Variants in CLEC18B observed in about 807,000 individuals in gnomAD.
CLEC18B encodes the protein mannose receptor-like 2.
CLEC18B carries 5 observed loss-of-function variants against 60.4 expected under a neutral mutation model. The observed-to-expected ratio is 0.08, with a 90% CI of 0.04 to 0.17. The LOEUF is 0.17. Ranked by LOEUF, CLEC18B falls within the 10% of genes least tolerant of loss-of-function variation. The pLI, the probability that CLEC18B is intolerant of heterozygous loss-of-function variation, is 1.00. For missense variants in CLEC18B, 26 were observed against 572.8 expected (o/e 0.05, Z 9.74); for synonymous variants, 16 against 221.2 (o/e 0.07, Z 8.23).
upstream of CLEC18B, among the ~76,000 whole-genome samples, chr16:74,423,623 A>G (rs1321064274): frequency 3.3e-5 from 5 of 151,878 alleles, no homozygotes; most frequent in Non-Finnish European, 7.4e-5. Context: ...TGGGAGGCGG[A>G]GGTTGCAGTG....
intron 6 of CLEC18B, 149 bp downstream of exon 6, chr16:74,412,624 A>G (rs1239927570): frequency 1.3e-6 from 2 of 1,547,412 alleles, no homozygotes; most frequent in African/African-American, 2.7e-5. Context: ...GTGCTCAGTG[A>G]ATGCTTGTTG....
chr16:74,423,840 C>A (rs1368319503), upstream of CLEC18B, among the ~76,000 whole-genome samples: 1 of 152,260 alleles, frequency 6.6e-6, no homozygotes, highest in Non-Finnish European at 1.5e-5. Flanking sequence ...GGCACTCCCA[C>A]TCCTGAAGCT....
Position 74,411,308 on chromosome 16 carries a change from TA to T in CLEC18B, c.985-275del, listed in dbSNP as rs1208174215. On this transcript the variant is annotated intron_variant, in intron 8 of 11. Coordinates refer to ENST00000682950, the MANE Select transcript of CLEC18B (RefSeq NM_001385193.1). ...TGTTTCACCTGCACAGTGTCTTAAA[TA>T]TATCCGAGTTGATTGCCAACCCCAG... is the stretch of plus-strand genomic sequence containing the variant. 1.3e-4 allele frequency: 127 copies of T among 957,572 alleles called. No homozygotes were observed. In the African/African-American group the frequency reaches 1.7e-3, roughly 13 times the overall value. 59.3% of individuals were successfully genotyped at this position (957,572 alleles called of 1,614,324 possible).
chr16:74,422,715 G>A (rs1356502731), upstream of CLEC18B, among the ~76,000 whole-genome samples: 1 of 151,742 alleles, frequency 6.6e-6, no homozygotes, highest in African/African-American at 2.4e-5. Flanking sequence ...TGCCACTCAG[G>A]TTGGAGTGTT....
Position 74,413,621 on chromosome 16 carries a change from C to A in CLEC18B, c.512G>T (p.Gly171Val). The A allele has an allele frequency of 6.2e-7, 1 of 1,614,078 alleles. No individual in the cohort carries two copies. Among genetic ancestry groups the A allele is most frequent in the African/African-American group, 1.3e-5 (1 of 75,080 alleles). Residue 171 changes from glycine (G) to valine (V), a missense_variant, in exon 4 of 12, where the codon GGC (glycine) becomes GTC (valine). By Grantham distance (109) the Gly-to-Val change is moderately radical. Coordinates refer to ENST00000682950, the MANE Select transcript of CLEC18B (RefSeq NM_001385193.1). ...LGCGRHLCSAGQTAIEAFVCA... is the reference protein window; with the variant it reads ...LGCGRHLCSAVQTAIEAFVCA... The stretch of plus-strand genomic sequence containing the variant: ...GACAAAGGCTTCTATCGCTGTCTGG[C>A]CTGCAGAGCACAGGTGCCGCCCACA...
In CLEC18B at chr16:74,421,239, C is replaced by A. The variant is rs147077893; in HGVS notation, c.32G>T (p.Gly11Val). The change falls in exon 1 of 12, where the codon GGG (glycine) becomes GTG (valine). Residue 11 changes from glycine to valine, a missense_variant. Physicochemically the swap from Gly to Val is moderately radical, Grantham distance 109. Coordinates refer to ENST00000682950, the MANE Select transcript of CLEC18B (RefSeq NM_001385193.1). ...GGCCAGGAGCACAGCCAGGAGATGC[C>A]CCCGGCCAGGGGAGGTCTCTGGATG... MLHPETSPGR[G>V]HLLAVLLALL... 1,296 of 1,609,298 alleles carry A rather than the reference C, an allele frequency of 8.1e-4. 7 individuals carry two copies. Among genetic ancestry groups the A allele is most frequent in the African/African-American group, 7.3e-3 (543 of 73,998 alleles).
At chr16:74,423,810 C>A (rs1389669568), upstream of CLEC18B, among the ~76,000 whole-genome samples, 1 of 152,166 alleles carries the variant, frequency 6.6e-6, no homozygotes, top group South Asian at 2.1e-4. Context: ...GGAACCGACA[C>A]GCTGTGTGAC....
chr16:74,419,696 A>T (rs2142764762), intron 2 of CLEC18B, among the ~76,000 whole-genome samples: 1 of 151,292 alleles, frequency 6.6e-6, no homozygotes, highest in African/African-American at 2.4e-5. Flanking sequence ...GGAATGGGGG[A>T]GAAGCGACCC....
chr16:74,423,316 G>C (rs1400682353), upstream of CLEC18B, among the ~76,000 whole-genome samples: 3 of 151,518 alleles, frequency 2.0e-5, no homozygotes, highest in African/African-American at 7.3e-5. Flanking sequence ...CAGGCACTTG[G>C]GACAGGCGGG....
chr16:74,410,940 A>AG lies in CLEC18B; in HGVS notation c.1078_1079insC (p.Ile360ThrfsTer2). 1 of 1,593,020 alleles carries AG rather than the reference A, an allele frequency of 6.3e-7. No homozygotes were observed. The highest frequency in any genetic ancestry group is 8.6e-7 in the Non-Finnish European group (1 of 1,167,592). ...GTTCCTGGTCTCGAAGTCACTGTCA[A>AG]TCACCTCGTTGGTGGTCTCCAGGCG... On this transcript the variant is annotated frameshift_variant, in exon 9 of 12. Transcript: ENST00000682950. LOFTEE classifies it high-confidence loss of function.
intron 10 of CLEC18B, among the ~76,000 whole-genome samples, 171 bp downstream of exon 10, chr16:74,410,365 C>A (rs1388006126): frequency 6.6e-6 from 1 of 151,888 alleles, no homozygotes; most frequent in Non-Finnish European, 1.5e-5. Flanking sequence ...GCATCTCCCT[C>A]ACCCCACCAC....
chr16:74,411,430 G>A (rs1440978669), intron 8 of CLEC18B: 2 of 588,492 alleles, frequency 3.4e-6, no homozygotes, highest in Non-Finnish European at 6.2e-6. Context: ...TTGCATTCCT[G>A]CAAGGCAACC....
At chr16:74,422,774 T>C (rs1033055535), upstream of CLEC18B, among the ~76,000 whole-genome samples, 21 of 152,206 alleles carry the variant, frequency 1.4e-4, no homozygotes, top group African/African-American at 5.1e-4. Flanking sequence ...AAGTGATCCT[T>C]CCACCTCAGC....
At position 74,421,478 on chromosome 16, in the gene CLEC18B, G is replaced by C. The variant is rs2142772474; in HGVS notation, c.-208C>G. The C allele has an allele frequency of 1.7e-6, 1 of 571,676 alleles. No individual in the cohort carries two copies. Among genetic ancestry groups the C allele is most frequent in the Non-Finnish European group, 3.1e-6 (1 of 319,176 alleles). The allele number at this position is 571,676 out of a possible 1,614,324, so 35.4% of individuals were successfully genotyped here. On this transcript the variant is annotated 5_prime_UTR_variant, in exon 1 of 12. Transcript: ENST00000682950. ...TCCTGTTGGCGCTGGCATGAAAAGAGACAACTCCCGGGGATGCCTGCCTGC... is the reference window on the plus strand; with the variant it reads ...TCCTGTTGGCGCTGGCATGAAAAGACACAACTCCCGGGGATGCCTGCCTGC...
At position 74,417,895 on chromosome 16, in the gene CLEC18B, G is replaced by A. The variant is rs1315475756; in HGVS notation, c.456+164C>T. Among the ~76,000 whole-genome samples the A allele has an allele frequency of 2.6e-5, 4 of 151,920 alleles. 1 individual carries two copies. Among genetic ancestry groups the A allele is most frequent in the Non-Finnish European group, 5.9e-5 (4 of 67,978 alleles). ...ATCACGCCACTGCACTCTAGCCTGC[G>A]CAACACAGCAAGACTCCGTATCAAA... On this transcript the variant is annotated intron_variant, in intron 3 of 11. Coordinates refer to ENST00000682950, the MANE Select transcript of CLEC18B (RefSeq NM_001385193.1).
At chr16:74,416,501 T>C (rs1768513290) in intron 3 of CLEC18B, among the ~76,000 whole-genome samples, 1 of 151,140 alleles carries the variant, frequency 6.6e-6, no homozygotes, top group Non-Finnish European at 1.5e-5. Context: ...GCCTCCCAAG[T>C]AGCTGGAACT....
chr16:74,414,433 G>A (rs1311331058), intron 3 of CLEC18B, among the ~76,000 whole-genome samples: 9 of 151,704 alleles, frequency 5.9e-5, no homozygotes, highest in South Asian at 4.2e-4. Context: ...TTGGCCACCA[G>A]AATGCCACAG....
At chr16:74,423,338 T>C (rs1473857285), upstream of CLEC18B, among the ~76,000 whole-genome samples, 1 of 151,756 alleles carries the variant, frequency 6.6e-6, no homozygotes, top group African/African-American at 2.4e-5. Context: ...GAAAAAGATA[T>C]TTTGGGGATT....
At chr16:74,424,006 C>G (rs2550838), upstream of CLEC18B, among the ~76,000 whole-genome samples, 33 of 152,326 alleles carry the variant, frequency 2.2e-4, no homozygotes, top group African/African-American at 7.5e-4. Context: ...CAGCCTCATT[C>G]TTGCAAGGCA....
Sources: gnomAD v4.1 joint callset for allele counts (sites outside exome capture counted in the v4.1 genomes callset) on GRCh38, gnomAD v4.1.1 for gene constraint, MANE v1.5 for transcripts, NCBI Gene and HGNC (gene_info 2026-07-23, HGNC 2026-07-21) for gene names.